TNRC6C: variants seen among roughly 807,000 people sequenced by gnomAD.
The protein encoded by TNRC6C is trinucleotide repeat containing adaptor 6C, also known as trinucleotide repeat-containing gene 6C protein.
A neutral mutation model predicts 153.7 loss-of-function variants in TNRC6C; 20 were observed. The observed-to-expected ratio is 0.13, with a 90% CI of 0.09 to 0.19. The LOEUF is 0.19. TNRC6C is among the 10% of genes least tolerant of loss of function. TNRC6C has a pLI of 1.00. For synonymous variants in TNRC6C, 811 were observed against 841.4 expected (o/e 0.96, Z 0.63); for missense variants, 1,987 against 2,172.0 (o/e 0.91, Z 1.69).
In TNRC6C at chr17:78,083,027, G is replaced by A. The variant is rs1240976399; in HGVS notation, c.3358-20G>A. 2 of 1,613,064 alleles carry A rather than the reference G, an allele frequency of 1.2e-6. No individual in the cohort carries two copies. The highest frequency in any genetic ancestry group is 1.7e-6 in the Non-Finnish European group (2 of 1,179,698). ...TTTAACAGAGATACAACGGCTAATAGTATATTTTATGTTAAACAGGTTCAA... is the reference window on the plus strand; with the variant it reads ...TTTAACAGAGATACAACGGCTAATAATATATTTTATGTTAAACAGGTTCAA... On this transcript the variant is annotated intron_variant, in intron 10 of 19. Transcript: ENST00000301624.
intron 9 of TNRC6C, 143 bp downstream of exon 11, chr17:78,077,477 A>T: frequency 9.1e-7 from 1 of 1,103,190 alleles, no homozygotes; most frequent in East Asian, 2.6e-5. Context: ...TACTACCAGG[A>T]TTTCCCTTCA....
chr17:78,061,217 T>A (rs570821017), intron 3 of TNRC6C, among the ~76,000 whole-genome samples: 1 of 152,346 alleles, frequency 6.6e-6, no homozygotes, highest in Admixed American at 6.5e-5. Context: ...AATATCAGTA[T>A]TTTAAATGTA....
chr17:78,051,969 G>A (rs1426792141), intron 3 of TNRC6C, among the ~76,000 whole-genome samples: 1 of 152,210 alleles, frequency 6.6e-6, no homozygotes, highest in Non-Finnish European at 1.5e-5. Context: ...GCAAGGTCCA[G>A]AGTAGAGAGA....
chr17:78,049,870 G>A lies in TNRC6C; in HGVS notation c.808G>A (p.Gly270Arg). Residue 270 changes from glycine (G) to arginine (R), a missense_variant, in exon 3 of 20, where the codon GGA becomes AGA. Coordinates refer to ENST00000301624, the Ensembl canonical transcript of TNRC6C. This position sits in a 1 kb window ranked among gnomAD's most constrained non-coding sequence, Gnocchi z 4.1. ...CAATTCTGGGTTCAGTCAGGGGAAT[G>A]GAGACACTGTGAACTCAGCATTAAG... 6.2e-7 allele frequency: 1 copy of A among 1,614,034 alleles called. No homozygotes were observed. Among genetic ancestry groups the A allele is most frequent in the Non-Finnish European group, 8.5e-7 (1 of 1,179,882 alleles).
chr17:78,104,622 G>A lies in TNRC6C; in HGVS notation c.4850G>A (p.Ser1617Asn), dbSNP rs1456278826. The A allele has an allele frequency of 2.6e-6, 4 of 1,548,880 alleles. No individual in the cohort carries two copies. In the African/African-American group the frequency reaches 4.1e-5, roughly 16 times the overall value. ...AGCGCGTCCAGCCAGCCGCGGCTCA[G>A]CGCAGCGGGCAGCTCCCATGGCCTG... is the stretch of plus-strand genomic sequence containing the variant. The change falls in exon 20 of 20, where the codon AGC (serine) becomes AAC (asparagine). Residue 1617 changes from serine to asparagine, a missense_variant. Physicochemically the swap from Ser to Asn is conservative, Grantham distance 46. Transcript: ENST00000301624. This position sits in a 1 kb window ranked among gnomAD's most constrained non-coding sequence, Gnocchi z 6.2.
intron 11 of TNRC6C, 143 bp from the exon 14 acceptor site, chr17:78,086,360 A>C (rs12450754): frequency 0.016 from 4,545 of 287,264 alleles, 57 homozygotes; most frequent in Non-Finnish European, 0.022. Flanking sequence ...AAAAAAAAAA[A>C]CAGTATGTGT....
chr17:78,071,019 C>A, intron 5 of TNRC6C, 66 bp from the exon 8 acceptor site: 1 of 1,462,020 alleles, frequency 6.8e-7, no homozygotes, highest in Non-Finnish European at 9.4e-7. Context: ...GGCTGTCTCC[C>A]ATTTCTGGTA....
chr17:78,077,326 T>G, exon 9 of TNRC6C: 1 of 1,573,904 alleles, frequency 6.4e-7, no homozygotes, highest in South Asian at 1.2e-5. Context: ...CTTGAATTCT[T>G]CTAGACAGGT....
intron 1 of TNRC6C, among the ~76,000 whole-genome samples, chr17:77,959,581 C>T (rs1598632641): frequency 6.6e-6 from 1 of 152,282 alleles, no homozygotes; most frequent in South Asian, 2.1e-4. Context: ...AAATTCGGTC[C>T]TTTCCGGGCA....
At chr17:77,982,147 A>T (rs958238607) in intron 1 of TNRC6C, among the ~76,000 whole-genome samples, 2 of 152,170 alleles carry the variant, frequency 1.3e-5, no homozygotes, top group African/African-American at 2.4e-5. Flanking sequence ...GAACTTGACC[A>T]TGATGGAACC....
chr17:78,060,413 A>G (rs1375921240), intron 3 of TNRC6C, among the ~76,000 whole-genome samples: 1 of 152,002 alleles, frequency 6.6e-6, no homozygotes, highest in Admixed American at 6.6e-5. Context: ...TAAAAAGCCA[A>G]GCACATAGCA....
rs2072479164 is a variant in TNRC6C at position 78,049,606 on chromosome 17, G to A, written c.544G>A (p.Asp182Asn). 2 of 1,613,834 alleles carry A rather than the reference G, an allele frequency of 1.2e-6. No homozygotes were observed. Among genetic ancestry groups the A allele is most frequent in the African/African-American group, 1.3e-5 (1 of 74,926 alleles). The change falls in exon 3 of 20, where the codon GAT becomes AAT. Residue 182 changes from aspartate to asparagine, a missense_variant. By Grantham distance (23) the Asp-to-Asn change is conservative (BLOSUM62 1). Coordinates refer to ENST00000301624, the Ensembl canonical transcript of TNRC6C. This position sits in a 1 kb window ranked among gnomAD's most constrained non-coding sequence, Gnocchi z 4.1. ...CGCACAACCTCAGAACCTTAACACT[G>A]ATGGACCAAATAACACTAACCCCAT... is the stretch of plus-strand genomic sequence containing the variant.
chr17:78,051,031 G>A (rs1248090902), exon 3 of TNRC6C: 1 of 1,613,294 alleles, frequency 6.2e-7, no homozygotes, highest in Non-Finnish European at 8.5e-7. Flanking sequence ...AAACTGGGGG[G>A]AGACTTTAAA....
chr17:78,051,429 A>G (rs934202635), exon 3 of TNRC6C: 2 of 1,524,846 alleles, frequency 1.3e-6, no homozygotes, highest in Non-Finnish European at 1.8e-6. Flanking sequence ...AGCTGAATCG[A>G]TCACCGTTGC....
intron 1 of TNRC6C, among the ~76,000 whole-genome samples, chr17:77,986,579 A>G (rs1264599027): frequency 6.6e-6 from 1 of 152,222 alleles, no homozygotes; most frequent in Non-Finnish European, 1.5e-5. Flanking sequence ...TTGGAGCATG[A>G]CAATATGGTT....
At position 78,044,596 on chromosome 17, in the gene TNRC6C, C is replaced by T. The variant is rs183382260; in HGVS notation, c.-218-4249C>T. 5.3e-5 allele frequency among the ~76,000 whole-genome samples: 8 copies of T among 152,338 alleles called. No individual in the cohort carries two copies. In the East Asian group the frequency reaches 1.5e-3, roughly 29 times the overall value. The stretch of plus-strand genomic sequence containing the variant: ...GCACAGTAGCTGCATATAGGAGGCA[C>T]TCAATAATAGTTATTGTTTCAATTG... On this transcript the variant is annotated intron_variant, in intron 2 of 19. Transcript: ENST00000301624.
intron 1 of TNRC6C, among the ~76,000 whole-genome samples, chr17:77,970,915 G>A (rs530125959): frequency 6.6e-6 from 1 of 152,106 alleles, no homozygotes; most frequent in Admixed American, 6.5e-5. Flanking sequence ...AGGCTGAGGT[G>A]GGAGGATCAC....
In TNRC6C at chr17:78,088,697, T is replaced by G. The variant is rs933235000; in HGVS notation, c.3802+1604T>G. On this transcript the variant is annotated intron_variant, in intron 13 of 19. Coordinates refer to ENST00000301624, the Ensembl canonical transcript of TNRC6C. ...TCATTGCAGCCTCAAACTCCTGGCC[T>G]TAAGTGATCCTGCTGGTCTCAGCTT... Among the ~76,000 whole-genome samples the G allele has an allele frequency of 2.0e-5, 3 of 151,872 alleles. No individual in the cohort carries two copies. The East Asian group carries it at 5.8e-4, about 29-fold the overall frequency.
At chr17:78,056,456 C>T (rs2072656287) in intron 3 of TNRC6C, among the ~76,000 whole-genome samples, 2 of 151,114 alleles carry the variant, frequency 1.3e-5, no homozygotes, top group Non-Finnish European at 2.9e-5. Flanking sequence ...CCATGGCCGG[C>T]CCAGAAACTA....
Sources: allele counts gnomAD v4.1 joint callset (sites outside exome capture counted in the v4.1 genomes callset), GRCh38; gene constraint gnomAD v4.1.1; non-coding constraint Gnocchi (gnomAD v3.1); transcripts MANE v1.5; gene names NCBI Gene and HGNC (gene_info 2026-07-23, HGNC 2026-07-21).